KALRN: variants seen among roughly 807,000 people sequenced by gnomAD.
KALRN encodes kalirin RhoGEF kinase, also known as kalirin.
Under a neutral mutation model 353.7 loss-of-function variants are expected in KALRN, and 70 were observed. The observed-to-expected ratio is 0.20, with a 90% CI of 0.16 to 0.24. The LOEUF is 0.24. KALRN is among the 10% of genes least tolerant of loss of function. KALRN has a pLI of 1.00. For synonymous variants in KALRN, 1,391 were observed against 1,434.8 expected (o/e 0.97, Z 0.69); for missense variants, 2,791 against 3,756.7 (o/e 0.74, Z 6.72).
intron 1 of KALRN, among the ~76,000 whole-genome samples, chr3:124,110,607 CACTGGCCTTGAAG>C (rs2062871817): frequency 6.6e-6 from 1 of 152,032 alleles, no homozygotes; most frequent in South Asian, 2.1e-4. Context: ...GTATCTTGAT[CACTGGCCTTGAAG>C]CCAAGAATGA....
At chr3:124,679,804 A>G (rs896620114) in intron 51 of KALRN, 1 of 471,174 alleles carries the variant, frequency 2.1e-6, no homozygotes, top group African/African-American at 2.0e-5. Context: ...GAAAATATCC[A>G]ATTTCATTAT....
Position 124,246,311 on chromosome 3 carries a change from T to G in KALRN, c.263+11368T>G, listed in dbSNP as rs536754931. 2.0e-5 allele frequency among the ~76,000 whole-genome samples: 3 copies of G among 152,368 alleles called. No homozygotes were observed. The East Asian group carries it at 5.8e-4, about 29-fold the overall frequency. On this transcript the variant is annotated intron_variant, in intron 3 of 59. Coordinates refer to ENST00000682506, the MANE Select transcript of KALRN (RefSeq NM_001388419.1). ...TGTGTACCTAAACCTTATCCTGACT[T>G]TGGAAAGACTAAAGGGATTGGTCAC...
At chr3:124,512,149 A>C (rs919119691) in intron 33 of KALRN, among the ~76,000 whole-genome samples, 1 of 152,224 alleles carries the variant, frequency 6.6e-6, no homozygotes, top group Non-Finnish European at 1.5e-5. Context: ...ATACTCTGTA[A>C]GAAGTATTCA....
chr3:124,319,915 A>G (rs2149362193), intron 6 of KALRN, among the ~76,000 whole-genome samples: 1 of 152,034 alleles, frequency 6.6e-6, no homozygotes, highest in South Asian at 2.1e-4. Context: ...AATTGCTTGA[A>G]CCCAGGAGGT....
intron 12 of KALRN, 92 bp from the exon 13 acceptor site, chr3:124,398,605 C>G: frequency 7.9e-7 from 1 of 1,258,080 alleles, no homozygotes; most frequent in Non-Finnish European, 1.2e-6. Flanking sequence ...TTCACATCCA[C>G]CTTGCTCAGA....
chr3:124,520,751 G>A (rs370576414), intron 33 of KALRN, among the ~76,000 whole-genome samples: 4 of 152,306 alleles, frequency 2.6e-5, no homozygotes, highest in East Asian at 3.9e-4. Flanking sequence ...AGGGGAGGCA[G>A]AACCAGTCAA....
intron 23 of KALRN, among the ~76,000 whole-genome samples, chr3:124,459,013 C>T (rs541698318): frequency 5.3e-5 from 8 of 152,028 alleles, no homozygotes; most frequent in Non-Finnish European, 1.2e-4. Context: ...AAGGGCAGGA[C>T]GTTATTTAAA....
At chr3:124,319,299 A>G (rs1181796718) in intron 6 of KALRN, among the ~76,000 whole-genome samples, 1 of 151,882 alleles carries the variant, frequency 6.6e-6, no homozygotes, top group African/African-American at 2.4e-5. Context: ...GACTCCATCT[A>G]TAAGAAAAAG....
chr3:124,260,902 C>T (rs2072760993), intron 3 of KALRN, among the ~76,000 whole-genome samples: 1 of 152,148 alleles, frequency 6.6e-6, no homozygotes, highest in Non-Finnish European at 1.5e-5. Flanking sequence ...AGACTCCTTG[C>T]CCTAATTTAT....
chr3:124,230,643 G>A (rs1011754305), intron 2 of KALRN, among the ~76,000 whole-genome samples: 1 of 152,070 alleles, frequency 6.6e-6, no homozygotes, highest in Non-Finnish European at 1.5e-5. Context: ...GGGGCTGGGA[G>A]CATAGCTCTC....
At chr3:124,232,883 A>G (rs979762456) in intron 2 of KALRN, among the ~76,000 whole-genome samples, 9 of 132,268 alleles carry the variant, frequency 6.8e-5, no homozygotes, top group African/African-American at 2.5e-4. Flanking sequence ...TCAGACAGGG[A>G]AAAAAAAAAG....
chr3:124,460,817 T>C (rs115061719), intron 23 of KALRN, among the ~76,000 whole-genome samples: 2 of 152,168 alleles, frequency 1.3e-5, no homozygotes, highest in African/African-American at 4.8e-5. Flanking sequence ...AACGAGGCCA[T>C]GTATCGTAAG....
chr3:124,662,018 C>A, intron 45 of KALRN, 90 bp downstream of exon 45: 1 of 985,514 alleles, frequency 1.0e-6, no homozygotes, highest in Non-Finnish European at 1.6e-6. Flanking sequence ...AGCCTTGTGT[C>A]CTGCCTGTGC....
rs145189655 is a variant in KALRN at position 124,659,600 on chromosome 3, G to A, written c.6216+143G>A. 1.8e-3 allele frequency: 1,057 copies of A among 602,020 alleles called. 4 individuals are homozygous for A. Among genetic ancestry groups the A allele is most frequent in the African/African-American group, 0.012 (673 of 54,080 alleles). 37.3% of individuals were successfully genotyped at this position (602,020 alleles called of 1,614,324 possible). ...GAACTGTGGGAGGGGTGGTAGGGAC[G>A]TGGGAACTTTTATCTGACTGCTGGT... On this transcript the variant is annotated intron_variant, in intron 43 of 59. Coordinates refer to ENST00000682506, the MANE Select transcript of KALRN (RefSeq NM_001388419.1).
intron 25 of KALRN, among the ~76,000 whole-genome samples, chr3:124,464,623 A>G (rs148363558): frequency 1.3e-5 from 2 of 152,318 alleles, no homozygotes; most frequent in Non-Finnish European, 2.9e-5. Context: ...AAAGAAAAAG[A>G]AAATAACAAC....
intron 4 of KALRN, among the ~76,000 whole-genome samples, chr3:124,264,985 G>A (rs2073332813): frequency 6.6e-6 from 1 of 152,148 alleles, no homozygotes; most frequent in Non-Finnish European, 1.5e-5. Context: ...AAAACCTTAG[G>A]AAGAGTTTAT....
chr3:124,265,298 C>CTTTT lies in KALRN; in HGVS notation c.456+619_456+622dup, dbSNP rs3054177. ...CTAGTAACTAATTTAAGAAAATATT[C>CTTTT]TTTTTTTTTTTTTTGAGATAGAGTC... On this transcript the variant is annotated intron_variant, in intron 4 of 59. Transcript: ENST00000682506. Among the ~76,000 whole-genome samples, 29 of 73,120 alleles carry CTTTT rather than the reference C, an allele frequency of 4.0e-4. 4 individuals carry two copies. Among genetic ancestry groups the CTTTT allele is most frequent in the Admixed American group, 2.8e-3 (16 of 5,692 alleles). The allele number at this position is 73,120 out of a possible 152,430, so 48.0% of individuals were successfully genotyped here.
chr3:124,380,930 T>C (rs1174263434), intron 10 of KALRN, among the ~76,000 whole-genome samples: 1 of 152,216 alleles, frequency 6.6e-6, no homozygotes, highest in Non-Finnish European at 1.5e-5. Flanking sequence ...TGGTGGAGGT[T>C]GATATCGTCT....
In KALRN at chr3:124,628,301, A is replaced by C. The variant is rs187949433; in HGVS notation, c.5183-4119A>C. Among the ~76,000 whole-genome samples the C allele has an allele frequency of 7.6e-3, 14 of 1,838 alleles. 2 individuals carry two copies. Among genetic ancestry groups the C allele is most frequent in the African/African-American group, 0.042 (13 of 306 alleles). The allele number at this position is 1,838 out of a possible 152,430, so 1.2% of individuals were successfully genotyped here. A position where few individuals can be genotyped will look rare whatever the true frequency, so the allele number is the denominator to read the frequency against. Reference sequence around the variant, plus strand: ...CCTTCCTTCCCTCCCTCCCTCCTTCATTCCCTCCCTCCCCCCTCCTTCCTT... The same window carrying C: ...CCTTCCTTCCCTCCCTCCCTCCTTCCTTCCCTCCCTCCCCCCTCCTTCCTT... On this transcript the variant is annotated intron_variant, in intron 34 of 59. Transcript: ENST00000682506.
Sources: gnomAD v4.1 joint callset for allele counts (sites outside exome capture counted in the v4.1 genomes callset) on GRCh38, gnomAD v4.1.1 for gene constraint, MANE v1.5 for transcripts, NCBI Gene and HGNC (gene_info 2026-07-23, HGNC 2026-07-21) for gene names.